Variants in MLLT1 observed in about 807,000 individuals in gnomAD.
The protein encoded by MLLT1 is protein ENL.
A neutral mutation model predicts 55.1 loss-of-function variants in MLLT1; 11 were observed. The observed-to-expected ratio is 0.20, with a 90% CI of 0.13 to 0.33. The LOEUF is 0.33. MLLT1 is among the 10% of genes least tolerant of loss of function. The pLI, the probability that MLLT1 is intolerant of heterozygous loss-of-function variation, is 1.00. For missense variants in MLLT1, 536 were observed against 760.6 expected (o/e 0.70, Z 3.47); for synonymous variants, 323 against 320.1 (o/e 1.01, Z -0.10).
intron 1 of MLLT1, among the ~76,000 whole-genome samples, chr19:6,279,121 G>A (rs993172523): frequency 6.6e-6 from 1 of 152,194 alleles, no homozygotes; most frequent in Admixed American, 6.5e-5. Flanking sequence ...AGCTTAGGCT[G>A]GGCCGGGGTT....
rs747618023 is a variant in MLLT1, at chr19:6,262,287, C to T, written c.217G>A (p.Val73Ile). 65 of 1,613,816 alleles carry T rather than the reference C, an allele frequency of 4.0e-5. No homozygotes were observed. The highest frequency in any genetic ancestry group is 5.2e-5 in the Non-Finnish European group (61 of 1,179,982). The change falls in exon 3 of 12, where the codon GTA (valine) becomes ATA (isoleucine). Residue 73 changes from valine to isoleucine, a missense_variant. Around this residue, in one of 3 missense-constraint regions of MLLT1, gnomAD observed 62 missense variants for 195.8 expected, o/e 0.32. Transcript: ENST00000252674. The surrounding 1 kb of genome is among the most constrained non-coding windows in gnomAD (Gnocchi z 4.4). ...AAGCCAGCGTACCCCGACTCCTCTA[C>T]TTTGTAGGGGGGCTCCTTGCACACT... Reference protein sequence around the residue: ...RRVCKEPPYKVEESGYAGFIM... With the variant: ...RRVCKEPPYKIEESGYAGFIM...
intron 7 of MLLT1, 179 bp from the exon 8 acceptor site, chr19:6,216,692 A>C (rs2090847872): frequency 9.1e-6 from 5 of 551,014 alleles, no homozygotes; most frequent in South Asian, 4.5e-5. Context: ...ACCGGCAGCC[A>C]CCCGCTTCCC....
chr19:6,262,830 C>T lies in MLLT1; in HGVS notation c.194-520G>A, dbSNP rs769017113. On this transcript the variant is annotated intron_variant, in intron 2 of 11. Coordinates refer to ENST00000252674, the MANE Select transcript of MLLT1 (RefSeq NM_005934.4). The surrounding 1 kb of genome is among the most constrained non-coding windows in gnomAD (Gnocchi z 4.4). ...CCTCCTCCTGGGTTCTAGTTTAGCACCTAATAAGAGCATTCCCAAGTGACG... is the reference window on the plus strand; with the variant it reads ...CCTCCTCCTGGGTTCTAGTTTAGCATCTAATAAGAGCATTCCCAAGTGACG... Among the ~76,000 whole-genome samples the T allele has an allele frequency of 3.3e-5, 5 of 151,834 alleles. No individual in the cohort carries two copies. Among genetic ancestry groups the T allele is most frequent in the African/African-American group, 1.2e-4 (5 of 41,296 alleles).
chr19:6,255,605 G>T (rs1467319303), intron 3 of MLLT1, among the ~76,000 whole-genome samples: 1 of 152,200 alleles, frequency 6.6e-6, no homozygotes, highest in African/African-American at 2.4e-5. Flanking sequence ...TAATTAAGTG[G>T]AAAGACATTC....
rs1259709761 is a variant in MLLT1 at position 6,237,022 on chromosome 19, G to T, written c.277-6309C>A. 2.0e-5 allele frequency among the ~76,000 whole-genome samples: 3 copies of T among 152,376 alleles called. No individual in the cohort carries two copies. The South Asian group carries it at 6.2e-4, about 32-fold the overall frequency. ...GGCCTCGGGAAACTAAGATGCAGAC[G>T]AACTGGCCAAACAGGTGCCTGTGCC... On this transcript the variant is annotated intron_variant, in intron 3 of 11. Transcript: ENST00000252674.
intron 3 of MLLT1, among the ~76,000 whole-genome samples, chr19:6,236,407 A>G (rs2091061606): frequency 6.6e-6 from 1 of 152,206 alleles, no homozygotes; most frequent in Non-Finnish European, 1.5e-5. Context: ...GCACCCCGGC[A>G]GAGGTTCTTG....
Position 6,212,029 on chromosome 19 carries a change from C to A in MLLT1, c.*1013G>T, listed in dbSNP as rs902148416. On this transcript the variant is annotated 3_prime_UTR_variant, in exon 12 of 12. Coordinates refer to ENST00000252674, the MANE Select transcript of MLLT1 (RefSeq NM_005934.4). Reference sequence around the variant, plus strand: ...GAGTTCAATGCGCCTCAGAAAACTCCATAAACTATCCCGTCTTATTTGGCA... The same window carrying A: ...GAGTTCAATGCGCCTCAGAAAACTCAATAAACTATCCCGTCTTATTTGGCA... The A allele has an allele frequency of 6.5e-5, 69 of 1,065,916 alleles. No homozygotes were observed. Among genetic ancestry groups the A allele is most frequent in the Non-Finnish European group, 7.8e-5 (69 of 879,460 alleles). The allele number at this position is 1,065,916 out of a possible 1,614,324, so 66.0% of individuals were successfully genotyped here. A position where few individuals can be genotyped will look rare whatever the true frequency, so the allele number is the denominator to read the frequency against.
chr19:6,222,187 C>A lies in MLLT1; in HGVS notation c.1044G>T (p.Arg348=). The change falls in exon 6 of 12, where the codon CGG becomes CGT. Residue 348 remains arginine (R), a synonymous_variant. Coordinates refer to ENST00000252674, the MANE Select transcript of MLLT1 (RefSeq NM_005934.4). The surrounding 1 kb of genome is among the most constrained non-coding windows in gnomAD (Gnocchi z 4.1). ...CCACCTCCAGGGCCTTTTTGGCCTC[C>A]CGGGGCTCACTCTCGGCCTTCACCT... ...GEKVKAESEP[R]EAKKALEVEE... 1 of 1,597,972 alleles carries A rather than the reference C, an allele frequency of 6.3e-7. No homozygotes were observed. Among genetic ancestry groups the A allele is most frequent in the East Asian group, 2.2e-5 (1 of 44,530 alleles).
chr19:6,256,748 C>T lies in MLLT1; in HGVS notation c.276+5480G>A, dbSNP rs147407753. ...TAGCCTGGGCGACAGAGCCAGACTC[C>T]GTCTCAAAATAAAATAAAATAAAAT... On this transcript the variant is annotated intron_variant, in intron 3 of 11. Coordinates refer to ENST00000252674, the MANE Select transcript of MLLT1 (RefSeq NM_005934.4). This position sits in a 1 kb window ranked among gnomAD's most constrained non-coding sequence, Gnocchi z 4.1. 6.6e-5 allele frequency among the ~76,000 whole-genome samples: 10 copies of T among 152,076 alleles called. No homozygotes were observed. The highest frequency in any genetic ancestry group is 2.1e-4 in the South Asian group (1 of 4,816).
rs113914922 is a variant in MLLT1, at chr19:6,266,212, G to A, written c.194-3902C>T. On this transcript the variant is annotated intron_variant, in intron 2 of 11. Transcript: ENST00000252674. ...GGACTGCTTCAGCCCAAAGGTCAAG[G>A]CTGCAGTAAGCTGTGATCACAACAC... is the stretch of plus-strand genomic sequence containing the variant. Among the ~76,000 whole-genome samples, 362 of 150,726 alleles carry A rather than the reference G, an allele frequency of 2.4e-3. 2 individuals carry two copies. Among genetic ancestry groups the A allele is most frequent in the African/African-American group, 8.5e-3 (349 of 40,960 alleles).
intron 3 of MLLT1, among the ~76,000 whole-genome samples, chr19:6,253,801 G>A (rs529115089): frequency 6.6e-6 from 1 of 152,122 alleles, no homozygotes; most frequent in African/African-American, 2.4e-5. Flanking sequence ...TTAGAAAAAC[G>A]TCATTCAGCA....
chr19:6,262,398 A>G lies in MLLT1; in HGVS notation c.194-88T>C. ...CGGCAGTACCGCACCCCTCAACCCC[A>G]CCACCTCCTCACAGGGGCTTGGCTG... On this transcript the variant is annotated intron_variant, in intron 2 of 11. Transcript: ENST00000252674. This position sits in a 1 kb window ranked among gnomAD's most constrained non-coding sequence, Gnocchi z 4.4. The G allele has an allele frequency of 9.4e-7, 1 of 1,064,232 alleles. No homozygotes were observed. The highest frequency in any genetic ancestry group is 1.4e-6 in the Non-Finnish European group (1 of 719,076). 65.9% of individuals were successfully genotyped at this position (1,064,232 alleles called of 1,614,324 possible). A position where few individuals can be genotyped will look rare whatever the true frequency, so the allele number is the denominator to read the frequency against.
chr19:6,244,481 G>A (rs974906711), intron 3 of MLLT1, among the ~76,000 whole-genome samples: 3 of 151,958 alleles, frequency 2.0e-5, no homozygotes, highest in East Asian at 1.9e-4. Context: ...GGTGCATGCC[G>A]CCAGCGGACA....
At chr19:6,278,449 C>A (rs1276722592) in intron 1 of MLLT1, among the ~76,000 whole-genome samples, 1 of 147,988 alleles carries the variant, frequency 6.8e-6, no homozygotes, top group Admixed American at 6.7e-5. Context: ...ACCCACCCAC[C>A]CACCCTGGGT....
At chr19:6,266,070 A>G (rs2091346782) in intron 2 of MLLT1, among the ~76,000 whole-genome samples, 1 of 152,100 alleles carries the variant, frequency 6.6e-6, no homozygotes, top group Non-Finnish European at 1.5e-5. Context: ...TTTAAGCCCA[A>G]GAGTTCAAGA....
In MLLT1 at chr19:6,240,172, C is replaced by T. The variant is rs2091101761; in HGVS notation, c.277-9459G>A. 6.6e-6 allele frequency among the ~76,000 whole-genome samples: 1 copy of T among 152,230 alleles called. No homozygotes were observed. The highest frequency in any genetic ancestry group is 1.5e-5 in the Non-Finnish European group (1 of 68,034). On this transcript the variant is annotated intron_variant, in intron 3 of 11. Transcript: ENST00000252674. This position sits in a 1 kb window ranked among gnomAD's most constrained non-coding sequence, Gnocchi z 4.7. ...TGGGCAGCATTAGCCCAGGCCCCTT[C>T]ACGCCTGCCTGACCGCTCAGCCTGG...
intron 3 of MLLT1, among the ~76,000 whole-genome samples, chr19:6,255,882 T>C (rs2091252863): frequency 6.6e-6 from 1 of 152,202 alleles, no homozygotes; most frequent in Non-Finnish European, 1.5e-5. Flanking sequence ...ATTCCAGCAT[T>C]TTCGGGGCCC....
chr19:6,273,433 G>A lies in MLLT1; in HGVS notation c.13-2674C>T, dbSNP rs1177502227. Reference sequence around the variant, plus strand: ...AGATCAGGCGCACTCATAAACCCCCGGCGCTGCGGATTCATGAGGATCTCA... The same window carrying A: ...AGATCAGGCGCACTCATAAACCCCCAGCGCTGCGGATTCATGAGGATCTCA... On this transcript the variant is annotated intron_variant, in intron 1 of 11. Coordinates refer to ENST00000252674, the MANE Select transcript of MLLT1 (RefSeq NM_005934.4). This position sits in a 1 kb window ranked among gnomAD's most constrained non-coding sequence, Gnocchi z 4.3. Among the ~76,000 whole-genome samples the A allele has an allele frequency of 3.9e-5, 6 of 152,146 alleles. No homozygotes were observed. The highest frequency in any genetic ancestry group is 7.2e-5 in the African/African-American group (3 of 41,422).
chr19:6,260,471 G>A (rs1021106123), intron 3 of MLLT1, among the ~76,000 whole-genome samples: 1 of 152,190 alleles, frequency 6.6e-6, no homozygotes, highest in East Asian at 1.9e-4. Context: ...CCTGCATCTC[G>A]CCTGAAGTTG....
Sources: gnomAD v4.1 joint callset for allele counts (sites outside exome capture counted in the v4.1 genomes callset) on GRCh38, gnomAD v4.1.1 for gene constraint, gnomAD v4.1.1 regional missense constraint, Gnocchi (gnomAD v3.1) non-coding constraint, MANE v1.5 for transcripts, NCBI Gene and HGNC (gene_info 2026-07-23, HGNC 2026-07-21) for gene names.